GOLGB1: variants seen among roughly 807,000 people sequenced by gnomAD.
GOLGB1 encodes golgin subfamily B member 1.
A neutral mutation model predicts 336.9 loss-of-function variants in GOLGB1; 174 were observed. The ratio of observed to expected loss-of-function variants is 0.52; its 90% CI spans 0.46 to 0.59. The LOEUF is 0.59. Among genes scored for constraint, GOLGB1 ranks in the 20% least tolerant of loss-of-function variants. GOLGB1 has a pLI of 0.00. For missense variants in GOLGB1, 3,331 were observed against 3,645.3 expected (o/e 0.91, Z 2.22); for synonymous variants, 1,208 against 1,289.2 (o/e 0.94, Z 1.35).
At chr3:121,743,379 C>T (rs1010210098) in intron 1 of GOLGB1, among the ~76,000 whole-genome samples, 1 of 152,148 alleles carries the variant, frequency 6.6e-6, no homozygotes, top group Non-Finnish European at 1.5e-5. Flanking sequence ...AAATCAAACA[C>T]CGCATGTTCT....
At chr3:121,673,685 T>A (rs908694106) in intron 17 of GOLGB1, among the ~76,000 whole-genome samples, 21 of 139,144 alleles carry the variant, frequency 1.5e-4, no homozygotes, top group Admixed American at 1.4e-4. Context: ...TAAATGGGAT[T>A]GCTATCTATC....
chr3:121,718,378 A>G lies in GOLGB1; in HGVS notation c.885+10T>C, dbSNP rs765531718. ...CTCCAAGGCAGGAAGTAAAGATTAA[A>G]AGGCAGTACCTGGTTTCTCTGCTCA... On this transcript the variant is annotated intron_variant, in intron 8 of 21. Coordinates refer to ENST00000614479, the MANE Select transcript of GOLGB1 (RefSeq NM_001366282.2). 1 of 1,562,982 alleles carries G rather than the reference A, an allele frequency of 6.4e-7. No individual in the cohort carries two copies. Among genetic ancestry groups the G allele is most frequent in the Admixed American group, 1.7e-5 (1 of 59,534 alleles).
intron 1 of GOLGB1, among the ~76,000 whole-genome samples, chr3:121,740,542 A>G (rs929797534): frequency 9.9e-5 from 15 of 152,210 alleles, no homozygotes; most frequent in Non-Finnish European, 2.2e-4. Context: ...TTAATTTTGT[A>G]CACTGCTAAT....
intron 1 of GOLGB1, among the ~76,000 whole-genome samples, chr3:121,745,569 T>C (rs1255297393): frequency 1.3e-5 from 2 of 151,942 alleles, no homozygotes; most frequent in African/African-American, 2.4e-5. Flanking sequence ...TGTATGTATA[T>C]GTATACATAT....
chr3:121,722,958 C>T (rs1008620510), intron 5 of GOLGB1, among the ~76,000 whole-genome samples: 1 of 152,076 alleles, frequency 6.6e-6, no homozygotes, highest in African/African-American at 2.4e-5. Context: ...AATCTAGGCC[C>T]CCTGAACTCT....
intron 10 of GOLGB1, among the ~76,000 whole-genome samples, chr3:121,710,905 C>T (rs1303248438): frequency 6.6e-6 from 1 of 151,464 alleles, no homozygotes; most frequent in Non-Finnish European, 1.5e-5. Flanking sequence ...AAAGGCCAGG[C>T]GCAGTGGCTC....
intron 6 of GOLGB1, 128 bp from the exon 7 acceptor site, chr3:121,719,896 T>G: frequency 1.4e-6 from 1 of 716,920 alleles, no homozygotes; most frequent in Non-Finnish European, 2.1e-6. Flanking sequence ...AAATTTTGAT[T>G]GTCAAGGATG....
chr3:121,685,460 G>A (rs1281288410), intron 14 of GOLGB1, among the ~76,000 whole-genome samples: 4 of 152,024 alleles, frequency 2.6e-5, no homozygotes, highest in East Asian at 3.9e-4. Flanking sequence ...GCTTGAACCC[G>A]GGAGGTGGAG....
intron 4 of GOLGB1, 42 bp downstream of exon 4, chr3:121,729,146 T>G: frequency 6.8e-7 from 1 of 1,463,460 alleles, no homozygotes; most frequent in Non-Finnish European, 9.3e-7. Context: ...ATTGGTAGGT[T>G]TTTTCAACTT....
intron 10 of GOLGB1, among the ~76,000 whole-genome samples, chr3:121,710,148 AAATTC>A (rs1944227316): frequency 1.3e-5 from 2 of 152,034 alleles, no homozygotes; most frequent in Non-Finnish European, 2.9e-5. Context: ...TCTGTAAAGG[AAATTC>A]AATTCATTAT....
At chr3:121,693,662 A>G (rs1266072232) in intron 13 of GOLGB1, 79 bp downstream of exon 13, 19 of 1,078,866 alleles carry the variant, frequency 1.8e-5, no homozygotes, top group South Asian at 7.7e-5. Context: ...CCCATTGTCT[A>G]AAAGGAAACA....
In GOLGB1 at chr3:121,698,759, T is replaced by G. The variant is rs771225639; in HGVS notation, c.1764A>C (p.Lys588Asn). ...IAFLKLQLQG[K>N]RAEEADHEVL... ...CCTCATGATCTGCTTCCTCAGCCCT[T>G]TTTCCCTGGAGCTGTAATTTAAGAA... Residue 588 changes from lysine (K) to asparagine (N), a missense_variant, in exon 13 of 22, where the codon AAA becomes AAC. Physicochemically the swap from Lys to Asn is moderately conservative, Grantham distance 94 (BLOSUM62 0). Coordinates refer to ENST00000614479, the MANE Select transcript of GOLGB1 (RefSeq NM_001366282.2). 1 of 1,613,682 alleles carries G rather than the reference T, an allele frequency of 6.2e-7. No individual in the cohort carries two copies. Among genetic ancestry groups the G allele is most frequent in the African/African-American group, 1.3e-5 (1 of 75,002 alleles).
intron 10 of GOLGB1, among the ~76,000 whole-genome samples, chr3:121,710,842 G>T (rs1944298265): frequency 6.6e-6 from 1 of 151,390 alleles, no homozygotes; most frequent in African/African-American, 2.4e-5. Context: ...GGGTGATGGA[G>T]TGACTCTGTC....
intron 14 of GOLGB1, among the ~76,000 whole-genome samples, chr3:121,683,782 CATT>C (rs1044145370): frequency 2.6e-5 from 4 of 152,090 alleles, no homozygotes; most frequent in Admixed American, 1.3e-4. Flanking sequence ...AAGAAAAACT[CATT>C]ATAAGAAAAC....
intron 14 of GOLGB1, among the ~76,000 whole-genome samples, chr3:121,689,042 C>A (rs1235518213): frequency 6.6e-6 from 1 of 150,810 alleles, no homozygotes; most frequent in Non-Finnish European, 1.5e-5. Context: ...GCCCAGCCAG[C>A]CGCCCCGTCC....
chr3:121,724,088 G>A (rs965541810), intron 5 of GOLGB1, among the ~76,000 whole-genome samples: 8 of 152,084 alleles, frequency 5.3e-5, no homozygotes, highest in Non-Finnish European at 1.0e-4. Flanking sequence ...GACAAGTGGG[G>A]TCATCGTTGA....
At position 121,730,924 on chromosome 3, in the gene GOLGB1, T is replaced by C; in HGVS notation, c.48A>G (p.Leu16=). 1 of 1,613,284 alleles carries C rather than the reference T, an allele frequency of 6.2e-7. No individual in the cohort carries two copies. The highest frequency in any genetic ancestry group is 8.5e-7 in the Non-Finnish European group (1 of 1,179,394). The change falls in exon 2 of 22, where the codon TTA becomes TTG. Residue 16 remains leucine (L), a synonymous_variant. Coordinates refer to ENST00000614479, the MANE Select transcript of GOLGB1 (RefSeq NM_001366282.2). ...TCTGATCAGTGTCATCATCTCCTGATAATTCATGCAAAACAACATTTGCTA... is the reference window on the plus strand; with the variant it reads ...TCTGATCAGTGTCATCATCTCCTGACAATTCATGCAAAACAACATTTGCTA... ...SGLANVVLHE[L]SGDDDTDQNM...
intron 14 of GOLGB1, among the ~76,000 whole-genome samples, chr3:121,686,306 A>G (rs546365744): frequency 2.0e-5 from 3 of 152,158 alleles, no homozygotes; most frequent in Non-Finnish European, 4.4e-5. Flanking sequence ...TCTGATGGCT[A>G]ATAGAAACCT....
At position 121,693,762 on chromosome 3, in the gene GOLGB1, T is replaced by G. The variant is rs1288508434; in HGVS notation, c.6761A>C (p.Glu2254Ala). ...QLRQMSIHMEELKINISRLEH... is the reference protein window; with the variant it reads ...QLRQMSIHMEALKINISRLEH... ...TTACCTGGAAATGTTAATCTTTAATTCTTCCATATGGATGGACATCTGTCT... is the reference window on the plus strand; with the variant it reads ...TTACCTGGAAATGTTAATCTTTAATGCTTCCATATGGATGGACATCTGTCT... Residue 2254 changes from glutamate (E) to alanine (A), a missense_variant, in exon 13 of 22, where the codon GAA becomes GCA. Glu to Ala is a moderately radical substitution (Grantham distance 107, BLOSUM62 -1). Coordinates refer to ENST00000614479, the MANE Select transcript of GOLGB1 (RefSeq NM_001366282.2). 2 of 1,602,434 alleles carry G rather than the reference T, an allele frequency of 1.2e-6. No individual in the cohort carries two copies. The highest frequency in any genetic ancestry group is 1.7e-4 in the Middle Eastern group (1 of 6,038).
Sources: allele counts gnomAD v4.1 joint callset (sites outside exome capture counted in the v4.1 genomes callset), GRCh38; gene constraint gnomAD v4.1.1; transcripts MANE v1.5; gene names NCBI Gene and HGNC (gene_info 2026-07-23, HGNC 2026-07-21).